The following SMNDC1 variants were observed in gnomAD, a reference collection of about 807,000 sequenced individuals.
SMNDC1 encodes survival motor neuron domain containing 1, also known as survival of motor neuron-related-splicing factor 30.
In SMNDC1, 5 loss-of-function variants were observed where a neutral mutation model predicts 29.2. The ratio of observed to expected loss-of-function variants is 0.17; its 90% CI spans 0.09 to 0.36. The LOEUF (loss-of-function observed/expected upper bound fraction) is 0.36. Among genes scored for constraint, SMNDC1 ranks in the 10% least tolerant of loss-of-function variants. SMNDC1 has a pLI of 1.00. For missense variants in SMNDC1, 142 were observed against 268.5 expected, an observed-to-expected ratio of 0.53 and a Z score of 3.29; for synonymous variants, 80 against 89.9, an observed-to-expected ratio of 0.89 and a Z score of 0.62.
In SMNDC1 at chr10:110,292,446, AC is replaced by A. The variant is rs1857510257; in HGVS notation, c.*1703del. 1 of 152,172 alleles carries A rather than the reference AC, an allele frequency of 6.6e-6. No homozygotes were observed. Among genetic ancestry groups the A allele is most frequent in the South Asian group, 2.1e-4 (1 of 4,832 alleles). The allele number at this position is 152,172 out of a possible 1,614,324, so 9.4% of individuals were successfully genotyped here. ...TTCTAATACCACCAAGGTAATCTCAACAACCATTTTCTGGGGTCACACAATG... is the reference window on the plus strand; with the variant it reads ...TTCTAATACCACCAAGGTAATCTCAAAACCATTTTCTGGGGTCACACAATG... On this transcript the variant is annotated 3_prime_UTR_variant, in exon 6 of 6. Transcript: ENST00000369603.
intron 2 of SMNDC1, among the ~76,000 whole-genome samples, chr10:110,299,328 T>C (rs566921574): frequency 2.2e-4 from 33 of 152,310 alleles, no homozygotes; most frequent in Middle Eastern, 3.4e-3. Flanking sequence ...GGTCTTCCTA[T>C]TCAATTATTG....
At position 110,291,578 on chromosome 10, in the gene SMNDC1, CTT is replaced by C. The variant is rs1395868082; in HGVS notation, c.*2570_*2571del. On this transcript the variant is annotated 3_prime_UTR_variant, in exon 6 of 6. Transcript: ENST00000369603. The stretch of plus-strand genomic sequence containing the variant: ...TTCTATAGTGCTTATGCCGGATACT[CTT>C]AAGCTATTTACACATTTGAATTCAA... 1 of 152,214 alleles carries C rather than the reference CTT, an allele frequency of 6.6e-6. No individual in the cohort carries two copies. Among genetic ancestry groups the C allele is most frequent in the Non-Finnish European group, 1.5e-5 (1 of 68,038 alleles). 9.4% of individuals were successfully genotyped at this position (152,214 alleles called of 1,614,324 possible).
rs774083033 is a variant in SMNDC1, at chr10:110,294,121, G to T, written c.*29C>A. On this transcript the variant is annotated 3_prime_UTR_variant, in exon 6 of 6. Transcript: ENST00000369603. ...GATAAAAAGGTAAATGTAAAGCCCT[G>T]CAGAGATGAAATCCAACAGTTTTTC... The T allele has an allele frequency of 1.3e-6, 2 of 1,540,728 alleles. No homozygotes were observed. Among genetic ancestry groups the T allele is most frequent in the Non-Finnish European group, 1.7e-6 (2 of 1,147,040 alleles).
chr10:110,302,231 G>A (rs1432469568), intron 2 of SMNDC1, among the ~76,000 whole-genome samples: 1 of 152,116 alleles, frequency 6.6e-6, no homozygotes, highest in Non-Finnish European at 1.5e-5. Flanking sequence ...CAAACCACTG[G>A]GTTATTTCTC....
chr10:110,290,785 A>G lies in SMNDC1; in HGVS notation c.*3365T>C, dbSNP rs998907209. 6.6e-6 allele frequency: 1 copy of G among 152,320 alleles called. No individual in the cohort carries two copies. The highest frequency in any genetic ancestry group is 6.5e-5 in the Admixed American group (1 of 15,304). The allele number at this position is 152,320 out of a possible 1,614,324, so 9.4% of individuals were successfully genotyped here. A position where few individuals can be genotyped will look rare whatever the true frequency, so the allele number is the denominator to read the frequency against. On this transcript the variant is annotated 3_prime_UTR_variant, in exon 6 of 6. Coordinates refer to ENST00000369603, the MANE Select transcript of SMNDC1 (RefSeq NM_005871.4). ...AATAGATTTTCTTCCTTTATATTTC[A>G]GTTACTACCCAAGTTAAAGCAAAAA...
intron 4 of SMNDC1, among the ~76,000 whole-genome samples, chr10:110,296,114 T>C (rs1399229128): frequency 1.3e-5 from 2 of 152,206 alleles, no homozygotes. Context: ...AGATAAAATA[T>C]TTTACCTACA....
intron 1 of SMNDC1, chr10:110,304,237 C>T (rs923636678): frequency 3.3e-5 from 5 of 152,208 alleles, no homozygotes; most frequent in Admixed American, 6.5e-5. Flanking sequence ...AATAAGATAC[C>T]AATTAACCTT....
intron 4 of SMNDC1, among the ~76,000 whole-genome samples, chr10:110,296,106 A>G (rs923392641): frequency 9.2e-5 from 14 of 152,362 alleles, no homozygotes; most frequent in Middle Eastern, 3.4e-3. Flanking sequence ...TTCGATGCAG[A>G]TAAAATATTT....
chr10:110,296,534 G>T (rs191585211), intron 4 of SMNDC1, among the ~76,000 whole-genome samples: 48 of 152,182 alleles, frequency 3.2e-4, no homozygotes, highest in Admixed American at 2.3e-3. Context: ...TGGCAAATAT[G>T]CAGAAGTTCA....
rs1857504377 is a variant in SMNDC1 at position 110,291,944 on chromosome 10, T to G, written c.*2206A>C. The G allele has an allele frequency of 6.6e-6, 1 of 152,244 alleles. No individual in the cohort carries two copies. The highest frequency in any genetic ancestry group is 2.4e-5 in the African/African-American group (1 of 41,460). The allele number at this position is 152,244 out of a possible 1,614,324, so 9.4% of individuals were successfully genotyped here. A position where few individuals can be genotyped will look rare whatever the true frequency, so the allele number is the denominator to read the frequency against. The stretch of plus-strand genomic sequence containing the variant: ...GGGCCCATAACTCAATATTTAACAT[T>G]TCAGTCTGTCACAGTTTCAAAGCTT... On this transcript the variant is annotated 3_prime_UTR_variant, in exon 6 of 6. Coordinates refer to ENST00000369603, the MANE Select transcript of SMNDC1 (RefSeq NM_005871.4).
chr10:110,294,104 G>A lies in SMNDC1; in HGVS notation c.*46C>T. 1 of 1,416,008 alleles carries A rather than the reference G, an allele frequency of 7.1e-7. No individual in the cohort carries two copies. The highest frequency in any genetic ancestry group is 1.5e-5 in the South Asian group (1 of 65,546). The allele number at this position is 1,416,008 out of a possible 1,614,324, so 87.7% of individuals were successfully genotyped here. The stretch of plus-strand genomic sequence containing the variant: ...CTTTAGAAAAATATAAGGATAAAAA[G>A]GTAAATGTAAAGCCCTGCAGAGATG... On this transcript the variant is annotated 3_prime_UTR_variant, in exon 6 of 6. Coordinates refer to ENST00000369603, the MANE Select transcript of SMNDC1 (RefSeq NM_005871.4).
chr10:110,298,152 C>T (rs1400567587), intron 3 of SMNDC1, among the ~76,000 whole-genome samples: 1 of 152,118 alleles, frequency 6.6e-6, no homozygotes, highest in African/African-American at 2.4e-5. Context: ...CCACACCTAA[C>T]TGATTTTTGT....
intron 1 of SMNDC1, 47 bp from the exon 2 acceptor site, chr10:110,303,634 C>T (rs200176778): frequency 1.3e-6 from 2 of 1,534,884 alleles, no homozygotes; most frequent in African/African-American, 1.4e-5. Flanking sequence ...AACCAAAAAT[C>T]AAGGCATAAA....
Position 110,298,900 on chromosome 10 carries a change from T to G in SMNDC1, c.121-110A>C. 9.3e-6 allele frequency: 7 copies of G among 750,836 alleles called. No homozygotes were observed. In the South Asian group the frequency reaches 1.4e-4, roughly 15 times the overall value. 46.5% of individuals were successfully genotyped at this position (750,836 alleles called of 1,614,324 possible). ...CGTTAAGTACTCTACATATATTTCA[T>G]TTGCAGCTCATAACACTATTAAGCA... On this transcript the variant is annotated intron_variant, in intron 2 of 5. Transcript: ENST00000369603.
At position 110,293,959 on chromosome 10, in the gene SMNDC1, G is replaced by T; in HGVS notation, c.*191C>A. The T allele has an allele frequency of 2.2e-6, 1 of 456,262 alleles. No homozygotes were observed. The highest frequency in any genetic ancestry group is 3.8e-6 in the Non-Finnish European group (1 of 262,576). 28.3% of individuals were successfully genotyped at this position (456,262 alleles called of 1,614,324 possible). A position where few individuals can be genotyped will look rare whatever the true frequency, so the allele number is the denominator to read the frequency against. On this transcript the variant is annotated 3_prime_UTR_variant, in exon 6 of 6. Transcript: ENST00000369603. Reference sequence around the variant, plus strand: ...CAAACTTTGAGGGAACCGTGGTACTGATAATGAGAAAAGTTAAATGAATAG... The same window carrying T: ...CAAACTTTGAGGGAACCGTGGTACTTATAATGAGAAAAGTTAAATGAATAG...
intron 4 of SMNDC1, 98 bp downstream of exon 4, chr10:110,297,469 T>C (rs1857581776): frequency 5.5e-6 from 6 of 1,089,044 alleles, no homozygotes; most frequent in Non-Finnish European, 8.1e-6. Context: ...GGTAAAACAG[T>C]ATTACAACTT....
intron 1 of SMNDC1, 103 bp from the exon 2 acceptor site, chr10:110,303,690 C>T: frequency 9.2e-7 from 1 of 1,083,270 alleles, no homozygotes; most frequent in Non-Finnish European, 1.3e-6. Context: ...TTGCCTCTAA[C>T]TCCTTCTAAC....
chr10:110,303,683 CCT>C lies in SMNDC1; in HGVS notation c.1-98_1-97del. On this transcript the variant is annotated intron_variant, in intron 1 of 5. Transcript: ENST00000369603. ...TGTCTGCCTGAATTACCAGTTTTTG[CCT>C]CTAACTCCTTCTAACACTGCAGCTT... The C allele has an allele frequency of 2.5e-6, 3 of 1,209,690 alleles. No individual in the cohort carries two copies. In the South Asian group the frequency reaches 4.5e-5, roughly 18 times the overall value. 74.9% of individuals were successfully genotyped at this position (1,209,690 alleles called of 1,614,324 possible).
chr10:110,297,086 C>T (rs1419564117), intron 4 of SMNDC1, among the ~76,000 whole-genome samples: 1 of 152,184 alleles, frequency 6.6e-6, no homozygotes, highest in Non-Finnish European at 1.5e-5. Context: ...TTACTCTTTT[C>T]AAATCTCAGT....
Sources: gnomAD v4.1 joint callset for allele counts (sites outside exome capture counted in the v4.1 genomes callset) on GRCh38, gnomAD v4.1.1 for gene constraint, MANE v1.5 for transcripts, NCBI Gene and HGNC (gene_info 2026-07-23, HGNC 2026-07-21) for gene names.